FAS: variants seen among roughly 807,000 people sequenced by gnomAD.
FAS encodes Fas cell surface death receptor.
Under a neutral mutation model 33.2 loss-of-function variants are expected in FAS, and 5 were observed. The ratio of observed to expected loss-of-function variants is 0.15; its 90% confidence interval spans 0.08 to 0.32. The LOEUF is 0.32. FAS is among the 10% of genes least tolerant of loss of function. FAS has a pLI of 1.00. For synonymous variants in FAS, 131 were observed against 130.7 expected, an observed-to-expected ratio of 1.00 and a Z score of -0.01; for missense variants, 339 against 386.0, an observed-to-expected ratio of 0.88 and a Z score of 1.02.
intron 6 of FAS, among the ~76,000 whole-genome samples, chr10:89,011,279 T>C (rs1451279229): frequency 6.6e-6 from 1 of 152,226 alleles, no homozygotes; most frequent in Non-Finnish European, 1.5e-5. Context: ...TGGGGACACA[T>C]GTTATACAAA....
upstream of FAS, among the ~76,000 whole-genome samples, chr10:88,985,335 A>G (rs1846844691): frequency 6.6e-6 from 1 of 152,200 alleles, no homozygotes; most frequent in African/African-American, 2.4e-5. Flanking sequence ...AAATGTCTAT[A>G]TGCTCATATG....
At chr10:88,997,370 C>T (rs1006159344) in intron 1 of FAS, among the ~76,000 whole-genome samples, 5 of 152,198 alleles carry the variant, frequency 3.3e-5, no homozygotes, top group African/African-American at 4.8e-5. Context: ...TTCCTAGGCT[C>T]ATTCATTTTA....
chr10:88,970,805 A>G (rs1846424952), intron 1 of FAS, among the ~76,000 whole-genome samples: 1 of 152,142 alleles, frequency 6.6e-6, no homozygotes, highest in South Asian at 2.1e-4. Context: ...CCAACATGGC[A>G]CGTGTATACA....
At chr10:89,003,823 TGAGTA>T (rs1373898227) in intron 2 of FAS, among the ~76,000 whole-genome samples, 3 of 152,228 alleles carry the variant, frequency 2.0e-5, no homozygotes, top group Admixed American at 2.0e-4. Flanking sequence ...TCTTCAACTT[TGAGTA>T]GAGTTGAAAA....
In FAS at chr10:89,016,358, G is replaced by C. The variant is rs1398908912; in HGVS notation, c.*1908G>C. 4.6e-6 allele frequency: 1 copy of C among 218,508 alleles called. No individual in the cohort carries two copies. The highest frequency in any genetic ancestry group is 9.2e-6 in the Non-Finnish European group (1 of 108,850). The allele number at this position is 218,508 out of a possible 1,614,324, so 13.5% of individuals were successfully genotyped here. A position where few individuals can be genotyped will look rare whatever the true frequency, so the allele number is the denominator to read the frequency against. On this transcript the variant is annotated 3_prime_UTR_variant, in exon 9 of 9. Coordinates refer to ENST00000652046, the MANE Select transcript of FAS (RefSeq NM_000043.6). The stretch of plus-strand genomic sequence containing the variant: ...AATTTCTCTTTTCTGAGCCATCATA[G>C]TCTGTGCTGTCTGCTCTCCAGTTTT...
chr10:89,001,263 CTTT>C lies in FAS; in HGVS notation c.31-1753_31-1751del, dbSNP rs10600180. ...GCTGTCATTTCTCACCACTGAATGC[CTTT>C]TTTTTTTTTTTTGTGCTTCTTTTTA... On this transcript the variant is annotated intron_variant, in intron 1 of 8. Coordinates refer to ENST00000652046, the MANE Select transcript of FAS (RefSeq NM_000043.6). 1.1e-3 allele frequency among the ~76,000 whole-genome samples: 156 copies of C among 142,044 alleles called. 2 individuals are homozygous for C. The highest frequency in any genetic ancestry group is 3.2e-3 in the Admixed American group (46 of 14,388). 93.2% of individuals were successfully genotyped at this position (142,044 alleles called of 152,430 possible).
rs563551720 is a variant in FAS, at chr10:89,010,583, C to A, written c.488C>A (p.Thr163Asn). The A allele has an allele frequency of 6.2e-7, 1 of 1,613,662 alleles. No individual in the cohort carries two copies. Among genetic ancestry groups the A allele is most frequent in the Admixed American group, 1.7e-5 (1 of 59,940 alleles). ...AAGGAATGCACACTCACCAGCAACA[C>A]CAAGTGCAAAGAGGAAGGTAATTAT... ...IIKECTLTSN[T>N]KCKEEGSRSN... The change falls in exon 5 of 9, where the codon ACC becomes AAC. Residue 163 changes from threonine (T) to asparagine (N), a missense_variant. This residue lies in a region of FAS where 276 missense variants were observed against 300.1 expected (regional missense o/e 0.92). Transcript: ENST00000652046.
At chr10:88,997,317 T>C (rs1446744680) in intron 1 of FAS, among the ~76,000 whole-genome samples, 1 of 152,236 alleles carries the variant, frequency 6.6e-6, no homozygotes, top group Non-Finnish European at 1.5e-5. Context: ...GAACTATTTT[T>C]CTGACTCTAG....
chr10:89,009,081 G>A, intron 4 of FAS, 84 bp downstream of exon 4: 1 of 1,268,050 alleles, frequency 7.9e-7, no homozygotes, highest in Non-Finnish European at 1.2e-6. Flanking sequence ...CTGACTGAGA[G>A]TTAAGAATTA....
Position 89,014,825 on chromosome 10 carries a change from T to C in FAS, c.*375T>C, listed in dbSNP as rs55845561. ...AGGCTAACCCCACTCTATGAATCAA[T>C]AGAAGAAGCTATGACCTTTTGCTGA... On this transcript the variant is annotated 3_prime_UTR_variant, in exon 9 of 9. Transcript: ENST00000652046. 4.6e-5 allele frequency: 25 copies of C among 543,630 alleles called. No homozygotes were observed. The East Asian group carries it at 9.3e-4, about 20-fold the overall frequency. The allele number at this position is 543,630 out of a possible 1,614,324, so 33.7% of individuals were successfully genotyped here.
chr10:88,966,290 C>A (rs1224293684), intron 1 of FAS, among the ~76,000 whole-genome samples: 1 of 152,138 alleles, frequency 6.6e-6, no homozygotes, highest in Non-Finnish European at 1.5e-5. Context: ...AGGCTTATGT[C>A]CTCAGAGAAC....
chr10:88,992,427 A>G (rs1326832637), intron 1 of FAS: 2 of 152,232 alleles, frequency 1.3e-5, no homozygotes, highest in African/African-American at 2.4e-5. Flanking sequence ...AGTAAAGTGT[A>G]AGAAAATTGT....
At position 89,008,867 on chromosome 10, in the gene FAS, A is replaced by G. The variant is rs1848381339; in HGVS notation, c.335-22A>G. 1.9e-6 allele frequency: 3 copies of G among 1,606,032 alleles called. No homozygotes were observed. In the South Asian group the frequency reaches 3.3e-5, roughly 18 times the overall value. ...CTTATAATTAGCCGCTATAACTAAT[A>G]GTTTCCAAACTGATTTTCTAGGCTT... On this transcript the variant is annotated intron_variant, in intron 3 of 8. Coordinates refer to ENST00000652046, the MANE Select transcript of FAS (RefSeq NM_000043.6).
chr10:88,972,188 T>A (rs957195733), intron 1 of FAS, among the ~76,000 whole-genome samples: 4 of 152,086 alleles, frequency 2.6e-5, no homozygotes, highest in African/African-American at 9.7e-5. Flanking sequence ...ATTACAGGCA[T>A]GAGCCACCAC....
At chr10:88,966,416 C>T (rs1589411966) in intron 1 of FAS, among the ~76,000 whole-genome samples, 1 of 152,114 alleles carries the variant, frequency 6.6e-6, no homozygotes, top group East Asian at 1.9e-4. Flanking sequence ...TCACTAAGCC[C>T]TTTGGCCCTC....
chr10:88,988,699 G>A (rs1401882237), upstream of FAS, among the ~76,000 whole-genome samples: 2 of 152,096 alleles, frequency 1.3e-5, no homozygotes, highest in African/African-American at 4.8e-5. Context: ...CTTTAGAGAT[G>A]CCCAAACTGT....
At chr10:88,993,403 G>T (rs1045499536) in intron 1 of FAS, among the ~76,000 whole-genome samples, 1 of 151,976 alleles carries the variant, frequency 6.6e-6, no homozygotes, top group Non-Finnish European at 1.5e-5. Context: ...CTTGCTAATT[G>T]AAGGGATGTG....
At position 89,013,917 on chromosome 10, in the gene FAS, T is replaced by G. The variant is rs181415286; in HGVS notation, c.677-202T>G. Among the ~76,000 whole-genome samples, 49 of 152,302 alleles carry G rather than the reference T, an allele frequency of 3.2e-4. 1 individual carries two copies. The highest frequency in any genetic ancestry group is 1.1e-3 in the African/African-American group (47 of 41,576). ...TGTTATGTATTGTGGCCCAGGTTAT[T>G]TAACAAATTACTGGGTATATGGCAG... On this transcript the variant is annotated intron_variant, in intron 8 of 8. Transcript: ENST00000652046.
chr10:88,970,544 G>A (rs895236836), intron 1 of FAS, among the ~76,000 whole-genome samples: 1 of 152,134 alleles, frequency 6.6e-6, no homozygotes, highest in Non-Finnish European at 1.5e-5. Context: ...TAGGAAGAAG[G>A]ACATTCAACC....
Sources: gnomAD v4.1 joint callset for allele counts (sites outside exome capture counted in the v4.1 genomes callset) on GRCh38, gnomAD v4.1.1 for gene constraint, gnomAD v4.1.1 regional missense constraint, MANE v1.5 for transcripts, NCBI Gene and HGNC (gene_info 2026-07-23, HGNC 2026-07-21) for gene names.